Variants in COX16 observed in about 807,000 individuals in gnomAD.
COX16 encodes cytochrome c oxidase assembly protein COX16 homolog, mitochondrial.
Under a neutral mutation model 15.4 loss-of-function variants are expected in COX16, and 12 were observed. The observed-to-expected ratio is 0.78, with a 90% CI of 0.50 to 1.26. COX16 has a LOEUF of 1.26. Ranked by LOEUF, COX16 falls within the 50% of genes most tolerant of loss-of-function variation. The pLI is 0.00. For synonymous variants in COX16, 46 were observed against 41.1 expected, an observed-to-expected ratio of 1.12 and a Z score of -0.46; for missense variants, 124 against 127.6, an observed-to-expected ratio of 0.97 and a Z score of 0.14.
rs978059519 is a variant in COX16, at chr14:70,359,650, C to G, written c.-63G>C. On this transcript the variant is annotated 5_prime_UTR_variant, in exon 1 of 4. Transcript: ENST00000389912. ...CCTAGCGCAGACTCCCAAATCTCAG[C>G]AGCTCACGCTCTCACCAAGACGAGT... The G allele has an allele frequency of 9.8e-5, 142 of 1,443,100 alleles. 1 individual carries two copies. In the African/African-American group the frequency reaches 1.7e-3, roughly 18 times the overall value. 89.4% of individuals were successfully genotyped at this position (1,443,100 alleles called of 1,614,324 possible).
chr14:70,340,602 T>C (rs774996517), intron 2 of COX16, among the ~76,000 whole-genome samples: 1 of 152,228 alleles, frequency 6.6e-6, no homozygotes, highest in Non-Finnish European at 1.5e-5. Flanking sequence ...GGTTCCATTA[T>C]TGTTCATCTA....
intron 2 of COX16, among the ~76,000 whole-genome samples, chr14:70,333,803 C>T (rs974002249): frequency 1.3e-5 from 2 of 152,056 alleles, no homozygotes; most frequent in African/African-American, 4.8e-5. Context: ...CTCTCAAACA[C>T]CAAAGTCAAA....
chr14:70,342,612 C>T, intron 2 of COX16, 46 bp downstream of exon 2: 1 of 1,579,650 alleles, frequency 6.3e-7, no homozygotes, highest in Non-Finnish European at 8.6e-7. Context: ...TAAACCAGAA[C>T]ATACATATAG....
At chr14:70,347,459 C>T (rs966262053) in intron 1 of COX16, among the ~76,000 whole-genome samples, 3 of 152,160 alleles carry the variant, frequency 2.0e-5, no homozygotes, top group Non-Finnish European at 2.9e-5. Context: ...GGGAAAACCC[C>T]GACACCCACC....
At chr14:70,336,259 A>G (rs533598322) in intron 2 of COX16, among the ~76,000 whole-genome samples, 30 of 115,774 alleles carry the variant, frequency 2.6e-4, no homozygotes, top group Admixed American at 1.4e-3. Flanking sequence ...TCGTCTCAAA[A>G]AAACAAAAAA....
rs114708399 is a variant in COX16, at chr14:70,333,719, T to C, written c.142-4483A>G. Among the ~76,000 whole-genome samples, 476 of 152,224 alleles carry C rather than the reference T, an allele frequency of 3.1e-3. 1 individual carries two copies. Among genetic ancestry groups the C allele is most frequent in the African/African-American group, 0.011 (467 of 41,522 alleles). ...CTAAACCTGGAGAAATATATAAGTATCTGGGAAAAGCAAGGTAAAATGTCA... is the reference window on the plus strand; with the variant it reads ...CTAAACCTGGAGAAATATATAAGTACCTGGGAAAAGCAAGGTAAAATGTCA... On this transcript the variant is annotated intron_variant, in intron 2 of 3. Transcript: ENST00000389912.
At chr14:70,344,989 G>A (rs1399023243) in intron 1 of COX16, among the ~76,000 whole-genome samples, 1 of 152,090 alleles carries the variant, frequency 6.6e-6, no homozygotes, top group Non-Finnish European at 1.5e-5. Context: ...ACCACCTCAT[G>A]TTGTCTGTTG....
chr14:70,346,701 C>T (rs1369491178), intron 1 of COX16, among the ~76,000 whole-genome samples: 4 of 152,048 alleles, frequency 2.6e-5, no homozygotes, highest in African/African-American at 9.7e-5. Context: ...TAATACCGGG[C>T]AAACTACTCT....
intron 1 of COX16, among the ~76,000 whole-genome samples, chr14:70,344,538 A>G (rs116274001): frequency 0.017 from 2,571 of 152,320 alleles, 74 homozygotes; most frequent in African/African-American, 0.057. Context: ...ACAAGGAGAA[A>G]CTCACTCACC....
chr14:70,359,052 A>T (rs1566608848), intron 1 of COX16, among the ~76,000 whole-genome samples: 1 of 152,230 alleles, frequency 6.6e-6, no homozygotes, highest in Non-Finnish European at 1.5e-5. Flanking sequence ...GATGAAACAG[A>T]AAGATACCAG....
chr14:70,332,146 A>T (rs551589240), intron 2 of COX16, among the ~76,000 whole-genome samples: 1 of 152,348 alleles, frequency 6.6e-6, no homozygotes, highest in South Asian at 2.1e-4. Flanking sequence ...CATGCTAGTG[A>T]CTTAACAGAA....
rs746416978 is a variant in COX16 at position 70,326,325 on chromosome 14, C to A, written c.*8G>T. 9.0e-6 allele frequency: 13 copies of A among 1,442,444 alleles called. No individual in the cohort carries two copies. In the East Asian group the frequency reaches 2.4e-4, roughly 26 times the overall value. 89.4% of individuals were successfully genotyped at this position (1,442,444 alleles called of 1,614,324 possible). ...AAAAAAAAAAAAAGGAAAAAAGAAT[C>A]AGCAGAGTCAAGTTGTCTTAGTCTT... is the stretch of plus-strand genomic sequence containing the variant. On this transcript the variant is annotated 3_prime_UTR_variant, in exon 4 of 4. Coordinates refer to ENST00000389912, the MANE Select transcript of COX16 (RefSeq NM_016468.7).
chr14:70,336,659 A>G (rs1399678634), intron 2 of COX16, among the ~76,000 whole-genome samples: 1 of 152,186 alleles, frequency 6.6e-6, no homozygotes, highest in Non-Finnish European at 1.5e-5. Flanking sequence ...GGCACGAGGA[A>G]CTGACTGTAT....
At chr14:70,335,203 G>T (rs77863503) in intron 2 of COX16, among the ~76,000 whole-genome samples, 1 of 152,060 alleles carries the variant, frequency 6.6e-6, no homozygotes, top group Non-Finnish European at 1.5e-5. Flanking sequence ...GATATACAAA[G>T]CAAATATTAA....
chr14:70,358,378 T>A (rs1309521716), intron 1 of COX16, among the ~76,000 whole-genome samples: 16 of 139,860 alleles, frequency 1.1e-4, no homozygotes, highest in East Asian at 1.0e-3. Context: ...ACAATTTTTT[T>A]TTTTTTTTTT....
At chr14:70,340,572 G>A (rs764757173) in intron 2 of COX16, among the ~76,000 whole-genome samples, 44 of 151,986 alleles carry the variant, frequency 2.9e-4, no homozygotes, top group African/African-American at 7.7e-4. Flanking sequence ...CTTTATCATC[G>A]TTGCAAATAT....
chr14:70,334,637 CA>C (rs1886392213), intron 2 of COX16, among the ~76,000 whole-genome samples: 1 of 152,046 alleles, frequency 6.6e-6, no homozygotes, highest in African/African-American at 2.4e-5. Flanking sequence ...GTATCCATTT[CA>C]AATAAGTTGT....
At chr14:70,353,079 G>A (rs535516165) in intron 1 of COX16, among the ~76,000 whole-genome samples, 80 of 151,892 alleles carry the variant, frequency 5.3e-4, no homozygotes, top group Admixed American at 9.8e-4. Flanking sequence ...TGGCCAATAC[G>A]GTGAAACCCC....
At chr14:70,357,972 G>A (rs1443097168) in intron 1 of COX16, among the ~76,000 whole-genome samples, 4 of 152,136 alleles carry the variant, frequency 2.6e-5, no homozygotes, top group African/African-American at 9.7e-5. Context: ...ATTCATAATA[G>A]TCAAAAATTG....
Sources: gnomAD v4.1 joint callset for allele counts (sites outside exome capture counted in the v4.1 genomes callset) on GRCh38, gnomAD v4.1.1 for gene constraint, MANE v1.5 for transcripts, NCBI Gene and HGNC (gene_info 2026-07-23, HGNC 2026-07-21) for gene names.